Variants in OCIAD2 observed in about 807,000 individuals in gnomAD.
OCIAD2 encodes the protein OCIA domain containing 2.
OCIAD2 carries 29 observed loss-of-function variants against 22.9 expected under a neutral mutation model. The ratio of observed to expected loss-of-function variants is 1.27; its 90% CI spans 0.94 to 1.73. The LOEUF is 1.73. Ranked by LOEUF, OCIAD2 falls within the 40% of genes most tolerant of loss-of-function variation. OCIAD2 has a pLI of 0.00. For synonymous variants in OCIAD2, 67 were observed against 60.2 expected, an observed-to-expected ratio of 1.11 and a Z score of -0.52; for missense variants, 189 against 180.3, an observed-to-expected ratio of 1.05 and a Z score of -0.28.
intron 3 of OCIAD2, 68 bp downstream of exon 3, chr4:48,899,761 C>A (rs1254789860): frequency 1.9e-6 from 2 of 1,074,638 alleles, no homozygotes; most frequent in African/African-American, 1.6e-5. Flanking sequence ...AAACGTAAGT[C>A]ATTACCACAA....
intron 2 of OCIAD2, among the ~76,000 whole-genome samples, chr4:48,902,609 TG>T (rs1466440900): frequency 6.6e-6 from 1 of 152,190 alleles, no homozygotes; most frequent in Non-Finnish European, 1.5e-5. Flanking sequence ...TGGCTGTGCC[TG>T]GGGCAGAAAT....
intron 1 of OCIAD2, among the ~76,000 whole-genome samples, chr4:48,905,991 G>A (rs1449146243): frequency 6.6e-6 from 1 of 152,176 alleles, no homozygotes; most frequent in Non-Finnish European, 1.5e-5. Flanking sequence ...TGAGGGATAC[G>A]TCCATAAAGC....
chr4:48,885,500 TGAGA>T lies in OCIAD2; in HGVS notation c.445_448del (p.Gln150LeufsTer18), dbSNP rs1480564361. 3.7e-6 allele frequency: 6 copies of T among 1,603,202 alleles called. No homozygotes were observed. The Admixed American group carries it at 1.0e-4, about 27-fold the overall frequency. ...ACACAGAATTTAGGAAGCTGAAGGC[TGAGA>T]GTCTCCCTTCTCACTTAATCCATGC... is the stretch of plus-strand genomic sequence containing the variant. On this transcript the variant is annotated frameshift_variant, in exon 7 of 7. Coordinates refer to ENST00000508632, the MANE Select transcript of OCIAD2 (RefSeq NM_001014446.3). LOFTEE classifies it high-confidence loss of function.
intron 2 of OCIAD2, among the ~76,000 whole-genome samples, chr4:48,904,224 G>A (rs1273678468): frequency 6.6e-6 from 1 of 152,122 alleles, no homozygotes; most frequent in Non-Finnish European, 1.5e-5. Flanking sequence ...GGCCTAGATA[G>A]GAGGATTAAT....
Position 48,885,418 on chromosome 4 carries a change from A to G in OCIAD2, c.*66T>C. On this transcript the variant is annotated 3_prime_UTR_variant, in exon 7 of 7. Transcript: ENST00000508632. ...TTAGAAGTATTTTATTTTAAAGTAC[A>G]CTTGAAATTTTAAATGTGTACAAAT... is the stretch of plus-strand genomic sequence containing the variant. 1 of 851,820 alleles carries G rather than the reference A, an allele frequency of 1.2e-6. No homozygotes were observed. 52.8% of individuals were successfully genotyped at this position (851,820 alleles called of 1,614,324 possible). A position where few individuals can be genotyped will look rare whatever the true frequency, so the allele number is the denominator to read the frequency against.
intron 6 of OCIAD2, 60 bp downstream of exon 6, chr4:48,892,712 A>T: frequency 1.2e-6 from 1 of 847,304 alleles, no homozygotes; most frequent in African/African-American, 1.7e-5. Flanking sequence ...AATAGTGAGT[A>T]ATCTTTCATT....
chr4:48,897,164 G>C (rs1268554238), intron 4 of OCIAD2: 2 of 153,216 alleles, frequency 1.3e-5, no homozygotes, highest in Non-Finnish European at 2.9e-5. Context: ...CATATACAGA[G>C]GCCTTGGGAG....
chr4:48,892,540 G>A (rs1781199679), intron 6 of OCIAD2, among the ~76,000 whole-genome samples: 3 of 152,188 alleles, frequency 2.0e-5, no homozygotes, highest in African/African-American at 7.2e-5. Flanking sequence ...CTTGCACAAT[G>A]TTTGAACACA....
At chr4:48,904,425 G>T (rs949468199) in intron 2 of OCIAD2, 59 bp downstream of exon 2, 1 of 1,445,308 alleles carries the variant, frequency 6.9e-7, no homozygotes, top group Non-Finnish European at 9.7e-7. Context: ...CTCCAGTCTG[G>T]GTGACAGTGT....
rs1037417444 is a variant in OCIAD2 at position 48,903,892 on chromosome 4, G to A, written c.66+592C>T. On this transcript the variant is annotated intron_variant, in intron 2 of 6. Transcript: ENST00000508632. ...GATCTCTTGACCTCGTGATCCACCCGCCTCGGCCTCCCAAAGTGCTGGGAT... is the reference window on the plus strand; with the variant it reads ...GATCTCTTGACCTCGTGATCCACCCACCTCGGCCTCCCAAAGTGCTGGGAT... Among the ~76,000 whole-genome samples the A allele has an allele frequency of 6.6e-5, 10 of 151,888 alleles. 3 individuals are homozygous for A. The highest frequency in any genetic ancestry group is 2.1e-4 in the South Asian group (1 of 4,810).
intron 5 of OCIAD2, chr4:48,893,708 G>A: frequency 5.0e-6 from 1 of 198,886 alleles, no homozygotes; most frequent in East Asian, 1.2e-4. Context: ...ATCAGAAAGT[G>A]TTGAGTGAAC....
intron 2 of OCIAD2, among the ~76,000 whole-genome samples, chr4:48,902,038 G>T (rs1443815423): frequency 6.6e-6 from 1 of 151,972 alleles, no homozygotes; most frequent in Non-Finnish European, 1.5e-5. Flanking sequence ...AAGTGCTGGG[G>T]TTACAGGTAT....
Position 48,899,887 on chromosome 4 carries a change from G to A in OCIAD2, c.105C>T (p.His35=). 1 of 1,613,926 alleles carries A rather than the reference G, an allele frequency of 6.2e-7. No homozygotes were observed. The highest frequency in any genetic ancestry group is 8.5e-7 in the Non-Finnish European group (1 of 1,179,952). The change falls in exon 3 of 7, where the codon CAC becomes CAT. Residue 35 remains histidine (H), a synonymous_variant. Transcript: ENST00000508632. ...GCATAATCTTTGAGATCTCTGCTCTGTGGATGTGCAGTTTTGATTTTGGAC... is the reference window on the plus strand; with the variant it reads ...GCATAATCTTTGAGATCTCTGCTCTATGGATGTGCAGTTTTGATTTTGGAC... ...LFCPKSKLHI[H]RAEISKIMRE...
intron 2 of OCIAD2, among the ~76,000 whole-genome samples, chr4:48,901,949 G>T (rs530906347): frequency 4.2e-4 from 63 of 149,916 alleles, no homozygotes; most frequent in South Asian, 1.3e-3. Context: ...GGGGAGGCGT[G>T]GGGGGGGCGT....
intron 6 of OCIAD2, among the ~76,000 whole-genome samples, chr4:48,891,533 C>T (rs935188025): frequency 6.6e-6 from 1 of 152,180 alleles, no homozygotes; most frequent in Non-Finnish European, 1.5e-5. Flanking sequence ...TCATAACAGA[C>T]ATTGTCTGAA....
intron 2 of OCIAD2, among the ~76,000 whole-genome samples, chr4:48,901,435 C>T (rs938666865): frequency 2.6e-5 from 4 of 152,076 alleles, no homozygotes; most frequent in Non-Finnish European, 5.9e-5. Flanking sequence ...CTTATGGCTC[C>T]GCAGCCTGTG....
At chr4:48,887,340 A>C (rs930532354) in intron 6 of OCIAD2, among the ~76,000 whole-genome samples, 17 of 152,242 alleles carry the variant, frequency 1.1e-4, no homozygotes, top group East Asian at 3.9e-4. Flanking sequence ...TCTTTAGTTT[A>C]ATTAGATCCC....
intron 6 of OCIAD2, among the ~76,000 whole-genome samples, chr4:48,889,650 T>C (rs1357410674): frequency 6.6e-6 from 1 of 152,244 alleles, no homozygotes; most frequent in Non-Finnish European, 1.5e-5. Flanking sequence ...ACTTTTACAC[T>C]GTTGGTGGGA....
chr4:48,888,864 G>T (rs1325545511), intron 6 of OCIAD2, among the ~76,000 whole-genome samples: 2 of 152,152 alleles, frequency 1.3e-5, no homozygotes, highest in Non-Finnish European at 2.9e-5. Flanking sequence ...AATGAGTTAG[G>T]GAGGATTCCC....
Sources: allele counts gnomAD v4.1 joint callset (sites outside exome capture counted in the v4.1 genomes callset), GRCh38; gene constraint gnomAD v4.1.1; transcripts MANE v1.5; gene names NCBI Gene and HGNC (gene_info 2026-07-23, HGNC 2026-07-21).